ANKRD30A: variants seen among roughly 807,000 people sequenced by gnomAD.
The protein encoded by ANKRD30A is ankyrin repeat domain-containing protein 30A.
Under a neutral mutation model 166.3 loss-of-function variants are expected in ANKRD30A, and 170 were observed. That is an observed-to-expected ratio of 1.02 (90% CI 0.90 to 1.16). The LOEUF (loss-of-function observed/expected upper bound fraction) is 1.16. Ranked by LOEUF, ANKRD30A falls within the 50% of genes most tolerant of loss-of-function variation. ANKRD30A has a pLI of 0.00. For synonymous variants in ANKRD30A, 564 were observed against 508.9 expected (o/e 1.11, Z -1.46); for missense variants, 1,630 against 1,518.0 (o/e 1.07, Z -1.23).
chr10:37,248,832 C>T, the ANKRD30A span, among the ~76,000 whole-genome samples: 1 of 151,952 alleles, frequency 6.6e-6, no homozygotes, highest in African/African-American at 2.4e-5. Context: ...AGGGGTCTGT[C>T]ACATAGATGC....
intron 30 of ANKRD30A, among the ~76,000 whole-genome samples, chr10:37,200,734 C>A (rs141608032): frequency 6.6e-6 from 1 of 151,990 alleles, no homozygotes; most frequent in East Asian, 1.9e-4. Context: ...AATAAAGCAG[C>A]TTTTTCAACA....
chr10:37,167,734 G>T (rs369337595), intron 19 of ANKRD30A, among the ~76,000 whole-genome samples: 1 of 151,518 alleles, frequency 6.6e-6, no homozygotes, highest in Non-Finnish European at 1.5e-5. Context: ...CAGTATATGG[G>T]TATGAAAATC....
chr10:37,236,222 T>C (rs141352333), downstream of ANKRD30A, among the ~76,000 whole-genome samples: 5 of 152,298 alleles, frequency 3.3e-5, no homozygotes, highest in East Asian at 9.7e-4. Flanking sequence ...ATGATTCTCC[T>C]ATTTCTTTCC....
chr10:37,217,469 G>A (rs1842661816), intron 32 of ANKRD30A, among the ~76,000 whole-genome samples: 1 of 150,822 alleles, frequency 6.6e-6, no homozygotes, highest in Non-Finnish European at 1.5e-5. Flanking sequence ...GCAGTTAATA[G>A]TAGCAGAAAC....
At chr10:37,201,477 A>C in intron 31 of ANKRD30A, 152 bp downstream of exon 31, 2 of 484,766 alleles carry the variant, frequency 4.1e-6, no homozygotes, top group Non-Finnish European at 6.8e-6. Flanking sequence ...TATATGTCTC[A>C]TCAGGTGTTG....
Position 37,219,033 on chromosome 10 carries a change from GA to G in ANKRD30A, c.3326del (p.Lys1109ArgfsTer6). 6.3e-7 allele frequency: 1 copy of G among 1,596,530 alleles called. No homozygotes were observed. The highest frequency in any genetic ancestry group is 8.5e-7 in the Non-Finnish European group (1 of 1,173,542). On this transcript the variant is annotated frameshift_variant, in exon 34 of 36. Transcript: ENST00000361713. LOFTEE classifies it high-confidence loss of function. The part of the protein sequence containing the change: ...NYLLHENCML[K>X]KEIAMLKLEI... Reference sequence around the variant, plus strand: ...ATCTCTTACATGAAAATTGCATGTTGAAAAAGGAAATTGCCATGCTAAAACT... The same window carrying G: ...ATCTCTTACATGAAAATTGCATGTTGAAAAGGAAATTGCCATGCTAAAACT...
chr10:37,165,227 C>G, intron 18 of ANKRD30A, 72 bp downstream of exon 18: 1 of 1,406,936 alleles, frequency 7.1e-7, no homozygotes, highest in Non-Finnish European at 1.0e-6. Context: ...GATGCTTAGT[C>G]TTTATTTTCT....
chr10:37,163,047 C>A (rs1782064), intron 17 of ANKRD30A, among the ~76,000 whole-genome samples, 199 bp downstream of exon 17: 4 of 151,832 alleles, frequency 2.6e-5, no homozygotes, highest in African/African-American at 9.7e-5. Context: ...AAAAATGTAG[C>A]CTTAATCTCA....
At chr10:37,264,104 T>G in the ANKRD30A span, among the ~76,000 whole-genome samples, 1 of 152,106 alleles carries the variant, frequency 6.6e-6, no homozygotes, top group African/African-American at 2.4e-5. Context: ...TTTTGCAAAT[T>G]GAACAGAACA....
intron 32 of ANKRD30A, 36 bp downstream of exon 32, chr10:37,216,430 A>G (rs1842612769): frequency 1.3e-6 from 2 of 1,538,244 alleles, no homozygotes; most frequent in Admixed American, 2.1e-5. Context: ...TATTTCAGCT[A>G]TTTATACTAA....
chr10:37,237,113 TTC>T (rs1316105798), downstream of ANKRD30A, among the ~76,000 whole-genome samples: 1 of 152,238 alleles, frequency 6.6e-6, no homozygotes, highest in Non-Finnish European at 1.5e-5. Flanking sequence ...TGCATGCATT[TTC>T]TCTGAGTTAT....
intron 13 of ANKRD30A, among the ~76,000 whole-genome samples, chr10:37,154,075 A>C (rs1180893201): frequency 6.6e-6 from 1 of 152,132 alleles, no homozygotes; most frequent in African/African-American, 2.4e-5. Context: ...GAAGAATATA[A>C]AGTGACCTTC....
At chr10:37,211,488 A>G (rs1402338492) in intron 31 of ANKRD30A, among the ~76,000 whole-genome samples, 4 of 152,142 alleles carry the variant, frequency 2.6e-5, no homozygotes, top group Non-Finnish European at 5.9e-5. Flanking sequence ...GCTGCATAGT[A>G]TTCCATGGTG....
chr10:37,216,386 C>T lies in ANKRD30A; in HGVS notation c.3075C>T (p.Cys1025=). The T allele has an allele frequency of 6.3e-7, 1 of 1,595,664 alleles. No homozygotes were observed. Among genetic ancestry groups the T allele is most frequent in the South Asian group, 1.1e-5 (1 of 88,408 alleles). The change falls in exon 32 of 36, where the codon TGC becomes TGT. Residue 1025 remains cysteine, a synonymous_variant. Coordinates refer to ENST00000361713, the MANE Select transcript of ANKRD30A (RefSeq NM_052997.3). ...AAGTTAAATGGGAACAAGAGCTCTG[C>T]AGTGTGAGGTGTGATTTCCTAGTTT... ...NQKVKWEQEL[C]SVRLTLNQEE... is the part of the protein sequence containing the mutation.
intron 6 of ANKRD30A, among the ~76,000 whole-genome samples, chr10:37,139,211 C>A (rs190191070): frequency 1.3e-3 from 198 of 152,324 alleles, no homozygotes; most frequent in Non-Finnish European, 2.5e-3. Flanking sequence ...AATATTATAA[C>A]CTGCAGGGGT....
intron 31 of ANKRD30A, among the ~76,000 whole-genome samples, chr10:37,206,265 C>T (rs917013745): frequency 2.0e-5 from 3 of 152,066 alleles, no homozygotes; most frequent in African/African-American, 7.2e-5. Flanking sequence ...AGTGAATTCA[C>T]TTCAGATGCA....
intron 29 of ANKRD30A, among the ~76,000 whole-genome samples, chr10:37,198,337 A>G (rs1349641886): frequency 1.3e-5 from 2 of 152,062 alleles, no homozygotes; most frequent in Admixed American, 6.6e-5. Context: ...TCCGTATAGG[A>G]CACAGTTAAC....
the ANKRD30A span, among the ~76,000 whole-genome samples, chr10:37,263,077 T>C: frequency 7.2e-5 from 11 of 152,306 alleles, no homozygotes; most frequent in African/African-American, 2.6e-4. Flanking sequence ...CATCATTTAT[T>C]TCAGCAGTCT....
At chr10:37,224,002 T>C (rs1843010660) in intron 34 of ANKRD30A, among the ~76,000 whole-genome samples, 1 of 151,346 alleles carries the variant, frequency 6.6e-6, no homozygotes, top group Non-Finnish European at 1.5e-5. Flanking sequence ...AAAACTGAGA[T>C]ACAAGTTTGA....
Sources: gnomAD v4.1 joint callset for allele counts (sites outside exome capture counted in the v4.1 genomes callset) on GRCh38, gnomAD v4.1.1 for gene constraint, MANE v1.5 for transcripts, NCBI Gene and HGNC (gene_info 2026-07-23, HGNC 2026-07-21) for gene names.